The following LRRK1 variants were observed in gnomAD, a reference collection of about 807,000 sequenced individuals.
LRRK1 encodes leucine-rich repeat serine/threonine-protein kinase 1.
In LRRK1, 113 loss-of-function variants were observed where a neutral mutation model predicts 209.1. That is an observed-to-expected ratio of 0.54 (90% CI 0.46 to 0.63). LRRK1 has a LOEUF of 0.63. LRRK1 is among the 30% of genes least tolerant of loss of function. LRRK1 has a pLI of 0.00. For missense variants in LRRK1, 2,284 were observed against 2,632.2 expected, an observed-to-expected ratio of 0.87 and a Z score of 2.89; for synonymous variants, 1,144 against 1,099.7, an observed-to-expected ratio of 1.04 and a Z score of -0.80.
In LRRK1 at chr15:101,074,976, CTCCTTCCCAGAT is replaced by C. The variant is rs1388000528; in HGVS notation, c.*6129_*6140del. On this transcript the variant is annotated 3_prime_UTR_variant, in exon 34 of 34. Transcript: ENST00000388948. ...CTCCGGCCCAAGGCTCTCTGACTGA[CTCCTTCCCAGAT>C]CTTCTTGGCTTAGCGGCTGAAGACT... is the stretch of plus-strand genomic sequence containing the variant. The C allele has an allele frequency of 6.9e-5, 10 of 144,376 alleles. No individual in the cohort carries two copies. Among genetic ancestry groups the C allele is most frequent in the Non-Finnish European group, 1.2e-4 (8 of 67,212 alleles). The allele number at this position is 144,376 out of a possible 1,614,324, so 8.9% of individuals were successfully genotyped here. A position where few individuals can be genotyped will look rare whatever the true frequency, so the allele number is the denominator to read the frequency against.
intron 2 of LRRK1, among the ~76,000 whole-genome samples, chr15:100,934,567 A>T (rs1197703353): frequency 7.0e-6 from 1 of 143,746 alleles, no homozygotes; most frequent in Non-Finnish European, 1.5e-5. Flanking sequence ...AAGCAAGTGG[A>T]TCACTTGACT....
At chr15:100,941,368 CTGTA>C (rs1299425927) in intron 2 of LRRK1, among the ~76,000 whole-genome samples, 8 of 26,160 alleles carry the variant, frequency 3.1e-4, no homozygotes, top group Admixed American at 1.3e-3. Flanking sequence ...GTGTGTGTGC[CTGTA>C]TGTGTGTGTC....
chr15:100,994,728 A>G (rs2032322003), intron 6 of LRRK1, among the ~76,000 whole-genome samples: 1 of 152,140 alleles, frequency 6.6e-6, no homozygotes, highest in Admixed American at 6.5e-5. Context: ...AGCAGGTGGT[A>G]TTTTTAGCAT....
At chr15:100,922,627 A>G (rs537341898) in intron 1 of LRRK1, among the ~76,000 whole-genome samples, 4 of 152,154 alleles carry the variant, frequency 2.6e-5, no homozygotes, top group Non-Finnish European at 5.9e-5. Flanking sequence ...CGGAACGTTT[A>G]TTTTAAAACA....
intron 2 of LRRK1, among the ~76,000 whole-genome samples, chr15:100,934,481 A>C (rs1315601311): frequency 6.6e-6 from 1 of 152,128 alleles, no homozygotes; most frequent in Non-Finnish European, 1.5e-5. Flanking sequence ...CAGTTGTAGC[A>C]GGAAAAGTAG....
chr15:101,010,040 C>T (rs551179692), intron 7 of LRRK1, among the ~76,000 whole-genome samples: 3 of 152,286 alleles, frequency 2.0e-5, no homozygotes, highest in Admixed American at 2.0e-4. Context: ...CAAGTGAGAA[C>T]GGGAAAGAAG....
At chr15:100,983,832 A>T in intron 4 of LRRK1, 133 bp downstream of exon 4, 3 of 928,232 alleles carry the variant, frequency 3.2e-6, no homozygotes, top group Non-Finnish European at 5.3e-6. Context: ...ATTGACACCC[A>T]AACAAAGTGA....
rs928171735 is a variant in LRRK1, at chr15:101,027,979, A to G, written c.2686+182A>G. The stretch of plus-strand genomic sequence containing the variant: ...TCTTTCCTTGGAGGGAGAGAACACA[A>G]ACAGCTACTCTACACCAGCATTGTG... On this transcript the variant is annotated intron_variant, in intron 19 of 33. Coordinates refer to ENST00000388948, the MANE Select transcript of LRRK1 (RefSeq NM_024652.6). This position sits in a 1 kb window ranked among gnomAD's most constrained non-coding sequence, Gnocchi z 5.1. Among the ~76,000 whole-genome samples, 1 of 152,006 alleles carries G rather than the reference A, an allele frequency of 6.6e-6. No individual in the cohort carries two copies. The highest frequency in any genetic ancestry group is 1.5e-5 in the Non-Finnish European group (1 of 67,992).
intron 6 of LRRK1, among the ~76,000 whole-genome samples, chr15:100,990,716 G>A (rs897957644): frequency 7.1e-6 from 1 of 140,714 alleles, no homozygotes; most frequent in African/African-American, 2.9e-5. Context: ...TCTCACTTTG[G>A]AGGGTTTTTT....
chr15:100,948,148 C>A (rs553370394), intron 2 of LRRK1, among the ~76,000 whole-genome samples: 7 of 152,332 alleles, frequency 4.6e-5, no homozygotes, highest in African/African-American at 1.7e-4. Context: ...CCAGGTGCTA[C>A]CCCCAAAGCC....
chr15:101,027,709 C>T lies in LRRK1; in HGVS notation c.2598C>T (p.Asp866=), dbSNP rs535655027. Residue 866 remains aspartate (D), a synonymous_variant, in exon 19 of 34, where the codon GAC becomes GAT. Transcript: ENST00000388948. This position sits in a 1 kb window ranked among gnomAD's most constrained non-coding sequence, Gnocchi z 5.1. The part of the protein sequence containing the change: ...AEQQRRSRDD[D]VQYLTDRQLE... Reference sequence around the variant, plus strand: ...AGCAGCGCCGCAGCCGGGACGACGACGTGCAGTACCTGACGGACAGGCAGC... The same window carrying T: ...AGCAGCGCCGCAGCCGGGACGACGATGTGCAGTACCTGACGGACAGGCAGC... The T allele has an allele frequency of 5.1e-5, 82 of 1,612,666 alleles. 1 individual carries two copies. Among genetic ancestry groups the T allele is most frequent in the South Asian group, 5.0e-4 (45 of 90,620 alleles).
chr15:101,026,006 C>T lies in LRRK1; in HGVS notation c.2274C>T (p.His758=), dbSNP rs754105703. The change falls in exon 17 of 34, where the codon CAC becomes CAT. Residue 758 remains histidine (H), a synonymous_variant. Coordinates refer to ENST00000388948, the MANE Select transcript of LRRK1 (RefSeq NM_024652.6). The part of the protein sequence containing the change: ...PNAVVLVVGT[H]LDLIEAKFRV... ...CCGTGGTGCTGGTGGTCGGGACGCA[C>T]CTGGATTTAATTGAAGCCAAGTTCC... is the stretch of plus-strand genomic sequence containing the variant. 4 of 1,614,242 alleles carry T rather than the reference C, an allele frequency of 2.5e-6. No individual in the cohort carries two copies. Among genetic ancestry groups the T allele is most frequent in the African/African-American group, 1.3e-5 (1 of 75,070 alleles).
intron 29 of LRRK1, 51 bp downstream of exon 29, chr15:101,058,192 G>T (rs375951151): frequency 3.2e-6 from 5 of 1,580,926 alleles, no homozygotes; most frequent in Non-Finnish European, 4.3e-6. Context: ...GTGGGAGGCC[G>T]CCGTGGAATC....
chr15:101,062,606 C>T lies in LRRK1; in HGVS notation c.4830C>T (p.Gly1610=). 6.2e-7 allele frequency: 1 copy of T among 1,614,054 alleles called. No homozygotes were observed. Among genetic ancestry groups the T allele is most frequent in the Non-Finnish European group, 8.5e-7 (1 of 1,179,876 alleles). ...AAATCTACATCTACACCCTCAAGGG[C>T]ATGTGCCCCTTAAACACACCCCAAC... ...DQKIYIYTLK[G]MCPLNTPQQA... Residue 1610 remains glycine, a synonymous_variant, in exon 31 of 34, where the codon GGC becomes GGT. Coordinates refer to ENST00000388948, the MANE Select transcript of LRRK1 (RefSeq NM_024652.6).
Position 100,926,980 on chromosome 15 carries a change from C to T in LRRK1, c.97+2251C>T, listed in dbSNP as rs141062396. ...GATTACAGGTGTGAGCCACGGCGCC[C>T]GGCCAGCATGGCTAATTTTTCAAAG... On this transcript the variant is annotated intron_variant, in intron 2 of 33. Transcript: ENST00000388948. 5.9e-5 allele frequency among the ~76,000 whole-genome samples: 9 copies of T among 152,288 alleles called. No individual in the cohort carries two copies. The South Asian group carries it at 1.2e-3, about 21-fold the overall frequency.
At chr15:101,053,503 C>T in intron 26 of LRRK1, 83 bp downstream of exon 26, 2 of 1,286,466 alleles carry the variant, frequency 1.6e-6, no homozygotes, top group South Asian at 2.8e-5. Flanking sequence ...GGTAGAGCCT[C>T]AGGTGGCCTT....
intron 6 of LRRK1, among the ~76,000 whole-genome samples, chr15:101,001,904 C>T (rs1439051053): frequency 6.6e-6 from 1 of 152,284 alleles, no homozygotes; most frequent in Admixed American, 6.5e-5. Flanking sequence ...TCAGTGAGAC[C>T]TAGCAAGGAG....
intron 22 of LRRK1, 127 bp from the exon 23 acceptor site, chr15:101,049,517 G>A (rs1393707256): frequency 7.6e-6 from 8 of 1,058,610 alleles, no homozygotes; most frequent in East Asian, 4.9e-5. Context: ...GTCCCCCATC[G>A]GTCCTGCAGG....
intron 20 of LRRK1, among the ~76,000 whole-genome samples, chr15:101,042,297 G>T (rs767646302): frequency 1.4e-5 from 2 of 143,112 alleles, no homozygotes; most frequent in Non-Finnish European, 3.0e-5. Context: ...TTTCTTCGAT[G>T]TAGAATTCTG....
Sources: gnomAD v4.1 joint callset for allele counts (sites outside exome capture counted in the v4.1 genomes callset) on GRCh38, gnomAD v4.1.1 for gene constraint, Gnocchi (gnomAD v3.1) non-coding constraint, MANE v1.5 for transcripts, NCBI Gene and HGNC (gene_info 2026-07-23, HGNC 2026-07-21) for gene names.